The following SGMS2 variants were observed in gnomAD, a reference collection of about 807,000 sequenced individuals.
SGMS2 encodes the protein phosphatidylcholine:ceramide cholinephosphotransferase 2.
In SGMS2, 21 loss-of-function variants were observed where a neutral mutation model predicts 43.8. The observed-to-expected ratio is 0.48, with a 90% confidence interval of 0.34 to 0.69. SGMS2 has a LOEUF of 0.69. SGMS2 is among the 30% of genes least tolerant of loss of function. The pLI is 0.01. For synonymous variants in SGMS2, 167 were observed against 160.6 expected, an observed-to-expected ratio of 1.04 and a Z score of -0.30; for missense variants, 384 against 443.2, an observed-to-expected ratio of 0.87 and a Z score of 1.20.
chr4:107,867,583 T>C (rs1728221008), intron 2 of SGMS2: 2 of 152,210 alleles, frequency 1.3e-5, no homozygotes, highest in Non-Finnish European at 2.9e-5. Context: ...AAGTACCAAA[T>C]GCTGGCTTCA....
At chr4:107,861,092 A>G (rs1022369227) in intron 2 of SGMS2, among the ~76,000 whole-genome samples, 2 of 152,198 alleles carry the variant, frequency 1.3e-5, no homozygotes, top group African/African-American at 2.4e-5. Flanking sequence ...AGACATTCAC[A>G]TATCTAATGA....
At chr4:107,861,769 T>G (rs1259235872) in intron 2 of SGMS2, among the ~76,000 whole-genome samples, 1 of 152,250 alleles carries the variant, frequency 6.6e-6, no homozygotes, top group Non-Finnish European at 1.5e-5. Context: ...TTATAGTTGT[T>G]AAAAAAGTGA....
rs1468823799 is a variant in SGMS2 at position 107,912,168 on chromosome 4, C to T, written c.*1615C>T. 1 of 152,102 alleles carries T rather than the reference C, an allele frequency of 6.6e-6. No individual in the cohort carries two copies. 9.4% of individuals were successfully genotyped at this position (152,102 alleles called of 1,614,324 possible). ...GCAAATCGTTCAGAAGGGTCAACAT[C>T]CTTTGGTGCTAAAATCTTGTGTATG... On this transcript the variant is annotated 3_prime_UTR_variant, in exon 7 of 7. Transcript: ENST00000690982.
intron 2 of SGMS2, among the ~76,000 whole-genome samples, chr4:107,885,050 G>A (rs1729641728): frequency 6.6e-6 from 1 of 152,044 alleles, no homozygotes; most frequent in Admixed American, 6.6e-5. Context: ...TTTGTTTAGG[G>A]TACCATGCCA....
intron 1 of SGMS2, among the ~76,000 whole-genome samples, chr4:107,854,882 A>C (rs1366344306): frequency 6.6e-6 from 1 of 152,174 alleles, no homozygotes; most frequent in African/African-American, 2.4e-5. Flanking sequence ...CCTCTTGTGT[A>C]CAGACCATAT....
At chr4:107,856,793 G>A (rs142521248) in intron 1 of SGMS2, among the ~76,000 whole-genome samples, 3 of 152,276 alleles carry the variant, frequency 2.0e-5, no homozygotes, top group African/African-American at 4.8e-5. Context: ...TTTTGGGCCA[G>A]TTGAAGTTTA....
At chr4:107,853,886 G>A (rs1333816287) in intron 1 of SGMS2, among the ~76,000 whole-genome samples, 1 of 152,108 alleles carries the variant, frequency 6.6e-6, no homozygotes, top group Admixed American at 6.6e-5. Context: ...GTCTGGAATG[G>A]TCAAAAAAAG....
At chr4:107,881,825 G>T (rs1221560807) in intron 2 of SGMS2, among the ~76,000 whole-genome samples, 2 of 152,004 alleles carry the variant, frequency 1.3e-5, no homozygotes, top group Non-Finnish European at 2.9e-5. Context: ...AAGTTCAATT[G>T]TTTTAATTTT....
intron 1 of SGMS2, among the ~76,000 whole-genome samples, chr4:107,838,082 ATATTTTG>A (rs1726294341): frequency 6.6e-6 from 1 of 152,154 alleles, no homozygotes; most frequent in African/African-American, 2.4e-5. Flanking sequence ...TCACCAGGGA[ATATTTTG>A]TAGGCAGAGA....
chr4:107,888,120 A>G (rs1729900067), intron 2 of SGMS2, among the ~76,000 whole-genome samples: 1 of 152,078 alleles, frequency 6.6e-6, no homozygotes, highest in South Asian at 2.1e-4. Context: ...GGAGTTGAAT[A>G]GCTTTAATTT....
intron 2 of SGMS2, among the ~76,000 whole-genome samples, chr4:107,888,442 A>ACAGACC (rs1309337449): frequency 6.6e-6 from 1 of 152,174 alleles, no homozygotes; most frequent in Non-Finnish European, 1.5e-5. Flanking sequence ...TGTGACTTAC[A>ACAGACC]CAGACCGTTC....
chr4:107,873,748 T>C (rs1728711316), intron 2 of SGMS2, among the ~76,000 whole-genome samples: 1 of 152,120 alleles, frequency 6.6e-6, no homozygotes, highest in South Asian at 2.1e-4. Context: ...CTGTAGAATT[T>C]CAATATCACG....
chr4:107,854,292 A>G (rs1727304942), intron 1 of SGMS2, among the ~76,000 whole-genome samples: 1 of 152,240 alleles, frequency 6.6e-6, no homozygotes, highest in Non-Finnish European at 1.5e-5. Context: ...TTTGCACCGT[A>G]TAACTAGTCT....
intron 4 of SGMS2, among the ~76,000 whole-genome samples, chr4:107,901,056 T>G (rs751496026): frequency 2.0e-5 from 3 of 152,144 alleles, no homozygotes; most frequent in Non-Finnish European, 2.9e-5. Flanking sequence ...GCAGGATGAA[T>G]TGCTATGATT....
chr4:107,889,499 T>A (rs1730029551), intron 2 of SGMS2, among the ~76,000 whole-genome samples: 1 of 152,324 alleles, frequency 6.6e-6, no homozygotes, highest in South Asian at 2.1e-4. Context: ...TAGTCTCTTA[T>A]TTTTTCCTGA....
chr4:107,879,912 C>CT, intron 2 of SGMS2, among the ~76,000 whole-genome samples: 1 of 152,282 alleles, frequency 6.6e-6, no homozygotes, highest in East Asian at 1.9e-4. Context: ...CAGAAAGAAA[C>CT]TTCCAGCCCA....
At chr4:107,901,455 A>T (rs1056215660) in intron 4 of SGMS2, among the ~76,000 whole-genome samples, 1 of 152,218 alleles carries the variant, frequency 6.6e-6, no homozygotes, top group East Asian at 1.9e-4. Flanking sequence ...CTTCATGAGT[A>T]TAAGCATGGC....
intron 1 of SGMS2, among the ~76,000 whole-genome samples, chr4:107,840,847 A>G (rs990729110): frequency 2.0e-5 from 3 of 152,162 alleles, no homozygotes; most frequent in African/African-American, 7.2e-5. Context: ...TTTCAGGGTT[A>G]ATCTCTAGAA....
At chr4:107,873,504 C>G (rs1728693024) in intron 2 of SGMS2, 1 of 151,890 alleles carries the variant, frequency 6.6e-6, no homozygotes, top group South Asian at 2.1e-4. Flanking sequence ...ACTTAATGTG[C>G]AAAGAAAGAC....
Sources: allele counts gnomAD v4.1 joint callset (sites outside exome capture counted in the v4.1 genomes callset), GRCh38; gene constraint gnomAD v4.1.1; transcripts MANE v1.5; gene names NCBI Gene and HGNC (gene_info 2026-07-23, HGNC 2026-07-21).